BCKDHB: variants seen among roughly 807,000 people sequenced by gnomAD.
The protein encoded by BCKDHB is branched chain keto acid dehydrogenase E1 subunit beta, also known as 2-oxoisovalerate dehydrogenase subunit beta, mitochondrial.
A neutral mutation model predicts 48.5 loss-of-function variants in BCKDHB; 41 were observed. The observed-to-expected ratio is 0.85, with a 90% CI of 0.66 to 1.10. The LOEUF (loss-of-function observed/expected upper bound fraction) is 1.10, where lower values mean the gene tolerates loss of function less well. Among genes scored for constraint, BCKDHB ranks in the 50% least tolerant of loss-of-function variants. The pLI, the probability that BCKDHB is intolerant of heterozygous loss-of-function variation, is 0.00. For synonymous variants in BCKDHB, 201 were observed against 174.8 expected (o/e 1.15, Z -1.18); for missense variants, 496 against 494.2 (o/e 1.00, Z -0.03).
chr6:80,388,108 G>A, the BCKDHB span, among the ~76,000 whole-genome samples: 1 of 152,148 alleles, frequency 6.6e-6, no homozygotes, highest in Non-Finnish European at 1.5e-5. Flanking sequence ...GGATTTGGGA[G>A]GCAACACATT....
intron 8 of BCKDHB, among the ~76,000 whole-genome samples, chr6:80,269,582 C>T (rs1308121814): frequency 6.6e-6 from 1 of 151,994 alleles, no homozygotes; most frequent in African/African-American, 2.4e-5. Flanking sequence ...AGGAACAGTA[C>T]TCGGTGGTAA....
chr6:80,289,366 A>G (rs1240518961), intron 9 of BCKDHB, among the ~76,000 whole-genome samples: 1 of 152,176 alleles, frequency 6.6e-6, no homozygotes, highest in Non-Finnish European at 1.5e-5. Flanking sequence ...TGAAGTGATT[A>G]TCAAACTGCA....
chr6:80,213,346 G>A (rs1775024309), intron 8 of BCKDHB, among the ~76,000 whole-genome samples: 1 of 152,020 alleles, frequency 6.6e-6, no homozygotes, highest in South Asian at 2.1e-4. Flanking sequence ...ATTAGAATAG[G>A]AACAATTTAT....
At chr6:80,368,661 A>C in the BCKDHB span, among the ~76,000 whole-genome samples, 13 of 152,104 alleles carry the variant, frequency 8.5e-5, no homozygotes, top group African/African-American at 3.1e-4. Context: ...GTTATTCCCA[A>C]ATAAGCGGTT....
chr6:80,224,208 C>T (rs1317336652), intron 8 of BCKDHB, among the ~76,000 whole-genome samples: 1 of 152,052 alleles, frequency 6.6e-6, no homozygotes, highest in South Asian at 2.1e-4. Flanking sequence ...GTTCATGGGA[C>T]TCTAATGCTC....
intron 1 of BCKDHB, among the ~76,000 whole-genome samples, chr6:80,125,509 T>C (rs1770298011): frequency 6.6e-6 from 1 of 152,230 alleles, no homozygotes; most frequent in African/African-American, 2.4e-5. Flanking sequence ...TTTCAGACTC[T>C]CTGGACTTTC....
the BCKDHB span, among the ~76,000 whole-genome samples, chr6:80,414,197 T>C: frequency 6.6e-6 from 1 of 152,136 alleles, no homozygotes; most frequent in Admixed American, 6.5e-5. Flanking sequence ...ATGTTAGTTA[T>C]TAGACGATTG....
Position 80,312,000 on chromosome 6 carries a change from C to A in BCKDHB, c.1039-31664C>A, listed in dbSNP as rs111455753. Among the ~76,000 whole-genome samples, 134 of 152,298 alleles carry A rather than the reference C, an allele frequency of 8.8e-4. 1 individual carries two copies. Among genetic ancestry groups the A allele is most frequent in the African/African-American group, 3.2e-3 (132 of 41,568 alleles). On this transcript the variant is annotated intron_variant, in intron 9 of 9. Transcript: ENST00000320393. Reference sequence around the variant, plus strand: ...TAAGTTAATGGGAATAGCATTGAATCTATAAACTGCTTTGGGCAGAATGGC... The same window carrying A: ...TAAGTTAATGGGAATAGCATTGAATATATAAACTGCTTTGGGCAGAATGGC...
chr6:80,443,852 C>A, the BCKDHB span, among the ~76,000 whole-genome samples: 6 of 152,002 alleles, frequency 3.9e-5, no homozygotes, highest in Non-Finnish European at 7.4e-5. Context: ...GAGGGTCCAT[C>A]TAACAGATAG....
chr6:80,460,727 ACT>A, the BCKDHB span, among the ~76,000 whole-genome samples: 1 of 152,204 alleles, frequency 6.6e-6, no homozygotes, highest in Non-Finnish European at 1.5e-5. Context: ...GTGACTCAAA[ACT>A]CTGCTGAGTT....
intron 1 of BCKDHB, among the ~76,000 whole-genome samples, chr6:80,110,759 G>GGTAA (rs1769370325): frequency 6.6e-6 from 1 of 152,202 alleles, no homozygotes; most frequent in Non-Finnish European, 1.5e-5. Flanking sequence ...AGAGCCCAGG[G>GGTAA]GTAAGTAATA....
the BCKDHB span, chr6:80,356,791 T>G: frequency 6.6e-6 from 1 of 152,282 alleles, no homozygotes; most frequent in East Asian, 1.9e-4. Flanking sequence ...TATTAAAGGA[T>G]CTTTTATCTG....
intron 1 of BCKDHB, among the ~76,000 whole-genome samples, chr6:80,117,582 G>A (rs150500499): frequency 6.2e-4 from 95 of 152,346 alleles, no homozygotes; most frequent in African/African-American, 2.2e-3. Flanking sequence ...CTGCAAAGTT[G>A]TGGGTTTACG....
At chr6:80,186,334 G>A (rs1582310857) in intron 6 of BCKDHB, among the ~76,000 whole-genome samples, 2 of 152,124 alleles carry the variant, frequency 1.3e-5, no homozygotes, top group South Asian at 2.1e-4. Flanking sequence ...CATACTGGTC[G>A]CCAGGGAAGG....
intron 3 of BCKDHB, among the ~76,000 whole-genome samples, chr6:80,162,594 T>C (rs758147224): frequency 1.6e-4 from 24 of 152,340 alleles, no homozygotes; most frequent in Middle Eastern, 6.8e-3. Context: ...CTCACGCCTG[T>C]AATCCCAGCA....
the BCKDHB span, chr6:80,443,385 A>G: frequency 3.3e-5 from 5 of 151,276 alleles, no homozygotes; most frequent in Non-Finnish European, 7.3e-5. Context: ...GGCTGGGACC[A>G]TCCCTGACTC....
At chr6:80,399,415 G>C in the BCKDHB span, among the ~76,000 whole-genome samples, 2 of 151,954 alleles carry the variant, frequency 1.3e-5, no homozygotes, top group African/African-American at 4.8e-5. Context: ...GGATACAAAA[G>C]CAATGTGCAA....
intron 9 of BCKDHB, among the ~76,000 whole-genome samples, chr6:80,329,256 T>C (rs1393404608): frequency 6.6e-6 from 1 of 152,194 alleles, no homozygotes; most frequent in African/African-American, 2.4e-5. Flanking sequence ...TAAAAACTTT[T>C]TTACTGAATA....
chr6:80,379,703 G>C, the BCKDHB span, among the ~76,000 whole-genome samples: 310 of 151,988 alleles, frequency 2.0e-3, 3 homozygotes, highest in Non-Finnish European at 3.8e-3. Context: ...AACCCTAAAG[G>C]CTCCTCCAGA....
Sources: gnomAD v4.1 joint callset for allele counts (sites outside exome capture counted in the v4.1 genomes callset) on GRCh38, gnomAD v4.1.1 for gene constraint, MANE v1.5 for transcripts, NCBI Gene and HGNC (gene_info 2026-07-23, HGNC 2026-07-21) for gene names.